AMPH: variants seen among roughly 807,000 people sequenced by gnomAD.
AMPH encodes amphiphysin.
Under a neutral mutation model 99.1 loss-of-function variants are expected in AMPH, and 49 were observed. That is an observed-to-expected ratio of 0.49 (90% CI 0.39 to 0.63). AMPH has a LOEUF of 0.63. AMPH is among the 20% of genes least tolerant of loss of function. AMPH has a pLI of 0.00. For missense variants in AMPH, 759 were observed against 863.4 expected (o/e 0.88, Z 1.52); for synonymous variants, 314 against 317.3 (o/e 0.99, Z 0.11).
At chr7:38,576,104 A>G (rs1044562274) in intron 1 of AMPH, among the ~76,000 whole-genome samples, 5 of 152,230 alleles carry the variant, frequency 3.3e-5, no homozygotes, top group Non-Finnish European at 5.9e-5. Flanking sequence ...ATGTGGTGCT[A>G]TGTAAGATCA....
intron 1 of AMPH, among the ~76,000 whole-genome samples, chr7:38,593,846 A>G (rs1298644887): frequency 6.6e-6 from 1 of 152,184 alleles, no homozygotes; most frequent in Non-Finnish European, 1.5e-5. Context: ...GGCTCAGGGT[A>G]TAAGAAGGAA....
chr7:38,430,361 T>C (rs1370385939), intron 13 of AMPH, among the ~76,000 whole-genome samples: 2 of 152,206 alleles, frequency 1.3e-5, no homozygotes, highest in Non-Finnish European at 2.9e-5. Context: ...CCTGCAGAGT[T>C]CTCTTGATGT....
At chr7:38,460,889 A>G (rs537319581) in intron 11 of AMPH, among the ~76,000 whole-genome samples, 24 of 152,332 alleles carry the variant, frequency 1.6e-4, no homozygotes, top group Non-Finnish European at 2.9e-4. Flanking sequence ...GAAATGATAA[A>G]TGCTCAAGGT....
intron 8 of AMPH, among the ~76,000 whole-genome samples, chr7:38,465,809 G>A (rs1484236327): frequency 6.6e-6 from 1 of 152,128 alleles, no homozygotes; most frequent in African/African-American, 2.4e-5. Context: ...AAAGCTTACT[G>A]TTTACATTGA....
intron 2 of AMPH, among the ~76,000 whole-genome samples, chr7:38,508,756 CA>C (rs1789427399): frequency 6.6e-6 from 1 of 152,076 alleles, no homozygotes; most frequent in South Asian, 2.1e-4. Context: ...AGTAACATAT[CA>C]AAATTAAAAC....
At chr7:38,514,184 C>T (rs533521108) in intron 2 of AMPH, among the ~76,000 whole-genome samples, 7 of 152,264 alleles carry the variant, frequency 4.6e-5, no homozygotes, top group East Asian at 3.9e-4. Flanking sequence ...ACAATGGCAA[C>T]GACCTTTGTC....
intron 15 of AMPH, among the ~76,000 whole-genome samples, chr7:38,424,942 T>G (rs1188117098): frequency 6.6e-6 from 1 of 152,156 alleles, no homozygotes; most frequent in Non-Finnish European, 1.5e-5. Flanking sequence ...AAGGCAACAC[T>G]AGGTGGTAGG....
Position 38,384,200 on chromosome 7 carries a change from G to T in AMPH, c.*618C>A, listed in dbSNP as rs1392924093. 6.6e-6 allele frequency: 1 copy of T among 152,628 alleles called. No homozygotes were observed. The highest frequency in any genetic ancestry group is 1.9e-4 in the East Asian group (1 of 5,208). The allele number at this position is 152,628 out of a possible 1,614,324, so 9.5% of individuals were successfully genotyped here. Reference sequence around the variant, plus strand: ...AGCAATGCATGTATCAATGACAATTGAGAGGCAAAGAGCTACAATGGAAAG... The same window carrying T: ...AGCAATGCATGTATCAATGACAATTTAGAGGCAAAGAGCTACAATGGAAAG... On this transcript the variant is annotated 3_prime_UTR_variant, in exon 21 of 21. Transcript: ENST00000356264.
At chr7:38,448,747 A>G (rs1786888726) in intron 11 of AMPH, among the ~76,000 whole-genome samples, 1 of 152,200 alleles carries the variant, frequency 6.6e-6, no homozygotes, top group Admixed American at 6.5e-5. Flanking sequence ...TTTACTCACA[A>G]TCTAGACCTA....
At chr7:38,488,679 A>G (rs1354610699) in intron 5 of AMPH, among the ~76,000 whole-genome samples, 2 of 152,176 alleles carry the variant, frequency 1.3e-5, no homozygotes, top group Non-Finnish European at 2.9e-5. Flanking sequence ...TAAAAAAATT[A>G]TTAGTTGCCT....
intron 20 of AMPH, among the ~76,000 whole-genome samples, chr7:38,387,286 A>G (rs1784374513): frequency 6.6e-6 from 1 of 152,248 alleles, no homozygotes; most frequent in African/African-American, 2.4e-5. Flanking sequence ...ATTAAAAAGC[A>G]AACAATAGAA....
chr7:38,535,802 G>A (rs1293227181), intron 1 of AMPH, among the ~76,000 whole-genome samples: 1 of 152,136 alleles, frequency 6.6e-6, no homozygotes, highest in Non-Finnish European at 1.5e-5. Flanking sequence ...TAATGCCGCT[G>A]CTGATCTGAC....
chr7:38,539,296 G>T (rs942870441), intron 1 of AMPH, among the ~76,000 whole-genome samples: 2 of 152,200 alleles, frequency 1.3e-5, no homozygotes, highest in East Asian at 3.8e-4. Context: ...TCAGAAAACA[G>T]ATCACAGTAG....
chr7:38,493,316 C>T (rs1338298566), intron 4 of AMPH, among the ~76,000 whole-genome samples: 1 of 152,148 alleles, frequency 6.6e-6, no homozygotes, highest in Admixed American at 6.5e-5. Flanking sequence ...AACAACTGCT[C>T]TTCGTTTTAA....
intron 7 of AMPH, 29 bp from the exon 8 acceptor site, chr7:38,466,277 AAG>A: frequency 6.5e-7 from 1 of 1,544,482 alleles, no homozygotes; most frequent in Non-Finnish European, 8.8e-7. Flanking sequence ...AAGAGGAAAG[AAG>A]AGAGAGGGAA....
intron 1 of AMPH, among the ~76,000 whole-genome samples, chr7:38,537,555 G>A (rs909176759): frequency 1.3e-5 from 2 of 152,122 alleles, no homozygotes; most frequent in South Asian, 4.1e-4. Flanking sequence ...ATAAAATTTA[G>A]GACAAAAACT....
intron 16 of AMPH, 73 bp downstream of exon 16, chr7:38,422,348 C>A (rs1229306123): frequency 3.1e-6 from 4 of 1,274,368 alleles, no homozygotes; most frequent in South Asian, 1.2e-5. Context: ...TCTAGACAGC[C>A]TAGAATGATC....
intron 1 of AMPH, among the ~76,000 whole-genome samples, chr7:38,549,144 T>G: frequency 6.6e-6 from 1 of 152,224 alleles, no homozygotes; most frequent in East Asian, 1.9e-4. Context: ...TCCTTTACCC[T>G]CACTATCTGC....
At chr7:38,466,631 T>A (rs896400970) in intron 7 of AMPH, among the ~76,000 whole-genome samples, 1 of 152,026 alleles carries the variant, frequency 6.6e-6, no homozygotes, top group African/African-American at 2.4e-5. Flanking sequence ...GAGACAACGC[T>A]TATGGAACCC....
Sources: allele counts gnomAD v4.1 joint callset (sites outside exome capture counted in the v4.1 genomes callset), GRCh38; gene constraint gnomAD v4.1.1; transcripts MANE v1.5; gene names NCBI Gene and HGNC (gene_info 2026-07-23, HGNC 2026-07-21).